Variants in CSMD1 observed in about 807,000 individuals in gnomAD.
The protein encoded by CSMD1 is CUB and sushi domain-containing protein 1.
In CSMD1, 213 loss-of-function variants were observed where a neutral mutation model predicts 417.5. The observed-to-expected ratio is 0.51, with a 90% CI of 0.46 to 0.57. CSMD1 has a LOEUF of 0.57. Ranked by LOEUF, CSMD1 falls within the 20% of genes least tolerant of loss-of-function variation. The pLI is 0.00. For missense variants in CSMD1, 6,923 were observed against 4,529.7 expected, an observed-to-expected ratio of 1.53 and a Z score of -15.17; for synonymous variants, 2,862 against 1,736.8, an observed-to-expected ratio of 1.65 and a Z score of -16.11.
chr8:3,260,936 C>G (rs1470448085), intron 26 of CSMD1, among the ~76,000 whole-genome samples: 1 of 152,022 alleles, frequency 6.6e-6, no homozygotes. Flanking sequence ...ATAAAGAATG[C>G]TCAAGACTGA....
At chr8:3,450,164 T>A (rs1425130461) in intron 12 of CSMD1, among the ~76,000 whole-genome samples, 1 of 152,188 alleles carries the variant, frequency 6.6e-6, no homozygotes, top group Non-Finnish European at 1.5e-5. Flanking sequence ...ACTGTGGGTC[T>A]CTTACACTCA....
At chr8:4,555,143 G>C (rs983045892) in intron 2 of CSMD1, among the ~76,000 whole-genome samples, 1 of 152,156 alleles carries the variant, frequency 6.6e-6, no homozygotes, top group African/African-American at 2.4e-5. Flanking sequence ...TGTGAAATAT[G>C]ATCACTTTTA....
chr8:4,101,099 C>G (rs746236100), intron 3 of CSMD1, among the ~76,000 whole-genome samples: 1 of 152,158 alleles, frequency 6.6e-6, no homozygotes, highest in Admixed American at 6.6e-5. Context: ...ATGCATCTAC[C>G]GGTTAACCAG....
rs777613399 is a variant in CSMD1, at chr8:3,998,082, G to A, written c.639C>T (p.Arg213=). The change falls in exon 5 of 70, where the codon CGC becomes CGT. Residue 213 remains arginine (R), a synonymous_variant. Coordinates refer to ENST00000635120, the MANE Select transcript of CSMD1 (RefSeq NM_033225.6). ...GGCTGGAGATGGAGCTGCTGGTCCC[G>A]CGTAAGGTTCCTCCGCAGGCTCCCT... ...RAEGACGGTL[R]GTSSSISSPH... 4.3e-5 allele frequency: 68 copies of A among 1,583,122 alleles called. No homozygotes were observed. Among genetic ancestry groups the A allele is most frequent in the Admixed American group, 1.3e-4 (7 of 55,406 alleles).
chr8:4,596,825 G>T (rs933100480), intron 2 of CSMD1, among the ~76,000 whole-genome samples: 1 of 152,158 alleles, frequency 6.6e-6, no homozygotes. Context: ...TATTGTGGGA[G>T]GGACCCAGGG....
At chr8:4,325,962 A>C (rs17069923) in intron 3 of CSMD1, among the ~76,000 whole-genome samples, 1,783 of 152,254 alleles carry the variant, frequency 0.012, 33 homozygotes, top group African/African-American at 0.039. Flanking sequence ...ATATCAGTCT[A>C]CAGTAGCACA....
chr8:4,836,819 C>T (rs1456226016), intron 1 of CSMD1, among the ~76,000 whole-genome samples: 1 of 151,610 alleles, frequency 6.6e-6, no homozygotes, highest in Admixed American at 6.6e-5. Flanking sequence ...GTGTTAGTTT[C>T]AGCCAAGAAA....
chr8:4,002,445 T>C (rs1815762550), intron 4 of CSMD1, among the ~76,000 whole-genome samples: 1 of 152,204 alleles, frequency 6.6e-6, no homozygotes, highest in Non-Finnish European at 1.5e-5. Context: ...TTTTTAAAAA[T>C]AAATCAGTTT....
intron 3 of CSMD1, among the ~76,000 whole-genome samples, chr8:4,218,523 C>G (rs1025183795): frequency 6.6e-6 from 1 of 152,108 alleles, no homozygotes; most frequent in Non-Finnish European, 1.5e-5. Flanking sequence ...GCATTTATGC[C>G]TCTAAACTCA....
intron 2 of CSMD1, among the ~76,000 whole-genome samples, chr8:4,633,364 A>G (rs1418331230): frequency 6.6e-6 from 1 of 151,412 alleles, no homozygotes; most frequent in Non-Finnish European, 1.5e-5. Flanking sequence ...CTCCTGCCTC[A>G]CCCTCCCTAG....
At chr8:4,500,218 T>G (rs919971997) in intron 2 of CSMD1, among the ~76,000 whole-genome samples, 3 of 152,008 alleles carry the variant, frequency 2.0e-5, no homozygotes, top group African/African-American at 7.2e-5. Flanking sequence ...AGGGAGAGGT[T>G]GGCTTAGTGA....
chr8:4,825,499 T>A (rs2117408422), intron 1 of CSMD1, among the ~76,000 whole-genome samples: 1 of 152,176 alleles, frequency 6.6e-6, no homozygotes, highest in South Asian at 2.1e-4. Flanking sequence ...GATCGCCCGA[T>A]TTTTCCTTCC....
intron 1 of CSMD1, among the ~76,000 whole-genome samples, chr8:4,989,782 C>T (rs1005517167): frequency 6.6e-6 from 1 of 152,206 alleles, no homozygotes; most frequent in African/African-American, 2.4e-5. Flanking sequence ...AACGTCTTCA[C>T]TGGGTTTGCT....
At chr8:4,907,684 G>C (rs1176637027) in intron 1 of CSMD1, among the ~76,000 whole-genome samples, 2 of 151,588 alleles carry the variant, frequency 1.3e-5, no homozygotes, top group African/African-American at 2.4e-5. Flanking sequence ...TCAACTACTA[G>C]AGTAGCTGGG....
At chr8:4,037,669 T>C (rs922334692) in intron 3 of CSMD1, among the ~76,000 whole-genome samples, 2 of 152,178 alleles carry the variant, frequency 1.3e-5, no homozygotes, top group Non-Finnish European at 2.9e-5. Context: ...CCCATCAGTA[T>C]TGATTTTAAA....
intron 3 of CSMD1, among the ~76,000 whole-genome samples, chr8:4,209,549 C>A (rs969575419): frequency 1.3e-5 from 2 of 152,182 alleles, no homozygotes; most frequent in Non-Finnish European, 2.9e-5. Context: ...TTCCTTGCTG[C>A]CATGCTGCCT....
intron 2 of CSMD1, among the ~76,000 whole-genome samples, chr8:4,573,703 C>A (rs1193521408): frequency 6.6e-6 from 1 of 152,130 alleles, no homozygotes; most frequent in African/African-American, 2.4e-5. Context: ...AGAGTTAGGT[C>A]TGCTGAAGCT....
intron 41 of CSMD1, among the ~76,000 whole-genome samples, chr8:3,134,659 A>G (rs1817979411): frequency 6.6e-6 from 1 of 152,144 alleles, no homozygotes; most frequent in South Asian, 2.1e-4. Context: ...GCACTGACTA[A>G]ATCGTTGGAT....
chr8:4,117,775 C>T (rs1359544238), intron 3 of CSMD1, among the ~76,000 whole-genome samples: 1 of 152,038 alleles, frequency 6.6e-6, no homozygotes, highest in African/African-American at 2.4e-5. Flanking sequence ...ACACCAGGCC[C>T]ATTCAGAGAA....
Sources: allele counts gnomAD v4.1 joint callset (sites outside exome capture counted in the v4.1 genomes callset), GRCh38; gene constraint gnomAD v4.1.1; transcripts MANE v1.5; gene names NCBI Gene and HGNC (gene_info 2026-07-23, HGNC 2026-07-21).